Variants in ALKBH3 observed in about 807,000 individuals in gnomAD.
The protein encoded by ALKBH3 is alkB homolog 3, alpha-ketoglutarate dependent dioxygenase, also known as alpha-ketoglutarate-dependent dioxygenase alkB homolog 3.
ALKBH3 carries 51 observed loss-of-function variants against 43.9 expected under a neutral mutation model. The observed-to-expected ratio is 1.16, with a 90% CI of 0.93 to 1.47. ALKBH3 has a LOEUF of 1.47. Among genes scored for constraint, ALKBH3 ranks in the 40% most tolerant of loss-of-function variants. The pLI is 0.00. For missense variants in ALKBH3, 361 were observed against 351.9 expected (o/e 1.03, Z -0.21); for synonymous variants, 102 against 115.2 (o/e 0.89, Z 0.73).
At chr11:43,884,102 G>A in intron 4 of ALKBH3, 85 bp downstream of exon 4, 1 of 1,502,184 alleles carries the variant, frequency 6.7e-7, no homozygotes, top group Non-Finnish European at 9.2e-7. Flanking sequence ...TTTCTATCTG[G>A]AAGAGAATGG....
chr11:43,918,977 G>A, intron 8 of ALKBH3, 61 bp from the exon 9 acceptor site: 3 of 1,355,946 alleles, frequency 2.2e-6, no homozygotes, highest in South Asian at 1.2e-5. Context: ...ACCTCTGTCA[G>A]GTTCTGTTGC....
intron 9 of ALKBH3, among the ~76,000 whole-genome samples, 195 bp downstream of exon 9, chr11:43,919,331 T>C (rs1952008932): frequency 6.6e-6 from 1 of 152,242 alleles, no homozygotes; most frequent in African/African-American, 2.4e-5. Context: ...GGTAGAACTT[T>C]CTGTGATGAT....
In ALKBH3 at chr11:43,893,908, G is replaced by T. The variant is rs547888897; in HGVS notation, c.459+1779G>T. 3.3e-5 allele frequency among the ~76,000 whole-genome samples: 5 copies of T among 152,186 alleles called. No homozygotes were observed. The South Asian group carries it at 1.0e-3, about 32-fold the overall frequency. On this transcript the variant is annotated intron_variant, in intron 7 of 9. Transcript: ENST00000302708. ...TGTTCATTTTAAATTTAGATATAGG[G>T]TCTTGTTATGTTGCCCAGGCTGGTG...
intron 8 of ALKBH3, among the ~76,000 whole-genome samples, chr11:43,917,938 A>C (rs955233989): frequency 1.3e-5 from 2 of 152,230 alleles, no homozygotes; most frequent in East Asian, 1.9e-4. Flanking sequence ...ATGCAAGTTC[A>C]TGATTGTTTT....
rs188178727 is a variant in ALKBH3 at position 43,886,610 on chromosome 11, G to C, written c.223G>C (p.Glu75Gln). Residue 75 changes from glutamate (E) to glutamine (Q), a missense_variant, in exon 5 of 10, where the codon GAG (glutamate) becomes CAG (glutamine). Physicochemically the swap from Glu to Gln is conservative, Grantham distance 29. Transcript: ENST00000302708. ...CTGTTTCCTTTGTTTCTTTAGCAGA[G>C]AGGGTGTGTATGAAATCAGCCTGTC... Reference protein sequence around the residue: ...RAPEPRVIDREGVYEISLSPT... With the variant: ...RAPEPRVIDRQGVYEISLSPT... 3.1e-6 allele frequency: 5 copies of C among 1,614,158 alleles called. No individual in the cohort carries two copies. The Admixed American group carries it at 8.3e-5, about 27-fold the overall frequency.
At chr11:43,903,454 G>A (rs1015452810) in intron 8 of ALKBH3, among the ~76,000 whole-genome samples, 10 of 152,318 alleles carry the variant, frequency 6.6e-5, no homozygotes, top group Admixed American at 1.3e-4. Context: ...CAAGCCGGAT[G>A]TATGGAACCT....
chr11:43,899,613 G>T (rs1285315674), intron 7 of ALKBH3: 3 of 518,512 alleles, frequency 5.8e-6, no homozygotes, highest in South Asian at 2.0e-5. Flanking sequence ...CCCCTCCTCG[G>T]ACAGCCAGCT....
At chr11:43,905,106 A>G (rs1455660336) in intron 8 of ALKBH3, among the ~76,000 whole-genome samples, 1 of 152,240 alleles carries the variant, frequency 6.6e-6, no homozygotes, top group Non-Finnish European at 1.5e-5. Flanking sequence ...TCAAATGTGC[A>G]GTTTTGAGAC....
Position 43,892,149 on chromosome 11 carries a change from T to C in ALKBH3, c.459+20T>C. On this transcript the variant is annotated intron_variant, in intron 7 of 9. Coordinates refer to ENST00000302708, the MANE Select transcript of ALKBH3 (RefSeq NM_139178.4). Reference sequence around the variant, plus strand: ...CCTCACGTATGTCAACATATTGTCATTGGTATGGTTTTATAGACTATATAC... The same window carrying C: ...CCTCACGTATGTCAACATATTGTCACTGGTATGGTTTTATAGACTATATAC... The C allele has an allele frequency of 6.4e-7, 1 of 1,569,898 alleles. No homozygotes were observed. Among genetic ancestry groups the C allele is most frequent in the Non-Finnish European group, 8.8e-7 (1 of 1,139,896 alleles).
chr11:43,911,932 C>T (rs893021286), intron 8 of ALKBH3, among the ~76,000 whole-genome samples: 1 of 152,148 alleles, frequency 6.6e-6, no homozygotes, highest in East Asian at 1.9e-4. Flanking sequence ...ACCAGCCTGA[C>T]CAACATGGTG....
chr11:43,897,516 G>T, intron 7 of ALKBH3: 1 of 760,760 alleles, frequency 1.3e-6, no homozygotes, highest in East Asian at 2.4e-5. Flanking sequence ...ATTAATTATG[G>T]CTGCCTATGA....
intron 7 of ALKBH3, among the ~76,000 whole-genome samples, chr11:43,895,559 C>T (rs1951812999): frequency 6.6e-6 from 1 of 152,162 alleles, no homozygotes; most frequent in African/African-American, 2.4e-5. Context: ...TGAGAACAGA[C>T]TAATGCAATA....
chr11:43,899,110 T>C (rs1951841799), intron 7 of ALKBH3: 2 of 768,430 alleles, frequency 2.6e-6, no homozygotes, highest in Non-Finnish European at 4.8e-6. Context: ...GACATTGTCT[T>C]TAACATCTAT....
chr11:43,883,428 A>G (rs550986754), intron 3 of ALKBH3, among the ~76,000 whole-genome samples: 17 of 152,342 alleles, frequency 1.1e-4, no homozygotes, highest in African/African-American at 2.2e-4. Flanking sequence ...AGGTTACACC[A>G]TAATGAGAGC....
chr11:43,899,767 G>A (rs545503357), intron 7 of ALKBH3: 6 of 213,710 alleles, frequency 2.8e-5, no homozygotes, highest in African/African-American at 1.2e-4. Context: ...TAACTCAACA[G>A]CCATAGATTT....
At chr11:43,907,420 G>C (rs1324677426) in intron 8 of ALKBH3, among the ~76,000 whole-genome samples, 1 of 152,188 alleles carries the variant, frequency 6.6e-6, no homozygotes, top group Non-Finnish European at 1.5e-5. Flanking sequence ...TCTATTACTA[G>C]TGACAGCACT....
At chr11:43,882,280 T>C (rs1016748205) in intron 1 of ALKBH3, among the ~76,000 whole-genome samples, 56 of 152,230 alleles carry the variant, frequency 3.7e-4, no homozygotes, top group African/African-American at 1.4e-3. Context: ...TTCCTTATAT[T>C]CTACTCTTGG....
chr11:43,915,247 T>A (rs547973007), intron 8 of ALKBH3, among the ~76,000 whole-genome samples: 2 of 151,358 alleles, frequency 1.3e-5, no homozygotes, highest in African/African-American at 4.8e-5. Context: ...TGGCTTGTAA[T>A]CCAAGATCTC....
At chr11:43,896,271 ACACACACACAC>A (rs1951818158) in intron 7 of ALKBH3, among the ~76,000 whole-genome samples, 2 of 59,270 alleles carry the variant, frequency 3.4e-5, no homozygotes, top group Non-Finnish European at 1.0e-4. Context: ...GGATAGATAC[ACACACACACAC>A]ACACACACAC....
Sources: gnomAD v4.1 joint callset for allele counts (sites outside exome capture counted in the v4.1 genomes callset) on GRCh38, gnomAD v4.1.1 for gene constraint, MANE v1.5 for transcripts, NCBI Gene and HGNC (gene_info 2026-07-23, HGNC 2026-07-21) for gene names.